The following DMXL1 variants were observed in gnomAD, a reference collection of about 807,000 sequenced individuals.
DMXL1 encodes dmX-like protein 1.
A neutral mutation model predicts 319.2 loss-of-function variants in DMXL1; 99 were observed. That is an observed-to-expected ratio of 0.31 (90% CI 0.26 to 0.37). The LOEUF (loss-of-function observed/expected upper bound fraction) is 0.37. DMXL1 is among the 10% of genes least tolerant of loss of function. DMXL1 has a pLI of 1.00. For synonymous variants in DMXL1, 1,385 were observed against 1,235.2 expected, an observed-to-expected ratio of 1.12 and a Z score of -2.54; for missense variants, 3,745 against 3,595.6, an observed-to-expected ratio of 1.04 and a Z score of -1.06.
intron 9 of DMXL1, among the ~76,000 whole-genome samples, chr5:119,125,591 G>T: frequency 6.6e-6 from 1 of 152,028 alleles, no homozygotes; most frequent in East Asian, 1.9e-4. Flanking sequence ...TTGAGATGAA[G>T]TCTCACTCTG....
chr5:119,181,936 G>A (rs550708240), intron 28 of DMXL1, among the ~76,000 whole-genome samples: 1 of 152,324 alleles, frequency 6.6e-6, no homozygotes, highest in East Asian at 1.9e-4. Flanking sequence ...TCTCAGAACA[G>A]AAAATCAACC....
chr5:119,094,967 C>T (rs1755601725), intron 1 of DMXL1, among the ~76,000 whole-genome samples: 4 of 151,914 alleles, frequency 2.6e-5, no homozygotes, highest in Admixed American at 2.6e-4. Flanking sequence ...GTTATCCTCC[C>T]ACCTCAGCCT....
chr5:119,238,917 C>T (rs998359275), intron 40 of DMXL1, 72 bp from the exon 41 acceptor site: 8 of 1,572,092 alleles, frequency 5.1e-6, no homozygotes, highest in South Asian at 1.2e-5. Context: ...GATCACTTTT[C>T]GAAGAATACA....
intron 15 of DMXL1, among the ~76,000 whole-genome samples, chr5:119,145,593 A>G (rs1203528068): frequency 6.6e-6 from 1 of 151,792 alleles, no homozygotes. Flanking sequence ...ATTGTTAACA[A>G]TTTAAGTCTC....
intron 29 of DMXL1, among the ~76,000 whole-genome samples, 173 bp downstream of exon 29, chr5:119,190,059 T>A (rs1327942507): frequency 6.6e-6 from 1 of 152,218 alleles, no homozygotes; most frequent in Non-Finnish European, 1.5e-5. Flanking sequence ...TTGACCATAT[T>A]TCATATAGTT....
chr5:119,142,517 TAAAAA>T (rs148846123), intron 13 of DMXL1, among the ~76,000 whole-genome samples: 3 of 62,284 alleles, frequency 4.8e-5, no homozygotes, highest in South Asian at 4.4e-4. Context: ...TATTAAAAAG[TAAAAA>T]AAAAAAAAAA....
In DMXL1 at chr5:119,244,072, G is replaced by A. The variant is rs191177843; in HGVS notation, c.8705-287G>A. Among the ~76,000 whole-genome samples the A allele has an allele frequency of 1.8e-4, 27 of 152,234 alleles. 1 individual carries two copies. The East Asian group carries it at 4.8e-3, about 27-fold the overall frequency. On this transcript the variant is annotated intron_variant, in intron 42 of 43. Coordinates refer to ENST00000539542, the MANE Select transcript of DMXL1 (RefSeq NM_001290321.3). ...CTGAGTACTCCACCGAGGCTGGTAC[G>A]GAACCAGTTCAACCAGGGTTCCTCT...
chr5:119,170,428 A>C lies in DMXL1; in HGVS notation c.5637A>C (p.Ser1879=). The C allele has an allele frequency of 6.2e-7, 1 of 1,614,006 alleles. No homozygotes were observed. Among genetic ancestry groups the C allele is most frequent in the Admixed American group, 1.7e-5 (1 of 60,000 alleles). The change falls in exon 24 of 44, where the codon TCA becomes TCC. Residue 1879 remains serine, a synonymous_variant. Coordinates refer to ENST00000539542, the MANE Select transcript of DMXL1 (RefSeq NM_001290321.3). ...CAATGTTGGCTTTGGAAGTATTATC[A>C]AAGATGCCTAAAGTCATCAAGAAAA... The part of the protein sequence containing the change: ...GCPMLALEVL[S]KMPKVIKKTR...
At chr5:119,131,945 A>G (rs1764990867) in intron 10 of DMXL1, among the ~76,000 whole-genome samples, 1 of 152,328 alleles carries the variant, frequency 6.6e-6, no homozygotes, top group Admixed American at 6.5e-5. Flanking sequence ...CCTCACACTC[A>G]AGGCAAAGAG....
At chr5:119,219,557 A>AT (rs200663050) in intron 35 of DMXL1, among the ~76,000 whole-genome samples, 7,299 of 151,342 alleles carry the variant, frequency 0.048, 485 homozygotes, top group African/African-American at 0.14. Context: ...TACACATTTA[A>AT]TTAATTAATT....
chr5:119,075,110 G>A (rs1189462386), intron 1 of DMXL1, among the ~76,000 whole-genome samples: 3 of 151,996 alleles, frequency 2.0e-5, no homozygotes, highest in African/African-American at 7.3e-5. Context: ...TTCATAAATC[G>A]TGGTTGAATT....
intron 3 of DMXL1, among the ~76,000 whole-genome samples, chr5:119,104,766 A>G (rs964183213): frequency 2.0e-5 from 3 of 152,224 alleles, no homozygotes; most frequent in African/African-American, 4.8e-5. Context: ...TAGTATCAAA[A>G]TGTTACATCT....
chr5:119,120,999 G>A lies in DMXL1; in HGVS notation c.962G>A (p.Arg321Gln), dbSNP rs752483687. 5.6e-6 allele frequency: 9 copies of A among 1,611,794 alleles called. No homozygotes were observed. The highest frequency in any genetic ancestry group is 1.7e-4 in the Middle Eastern group (1 of 6,058). The change falls in exon 9 of 44, where the codon CGG becomes CAG. Residue 321 changes from arginine to glutamine, a missense_variant. Coordinates refer to ENST00000539542, the MANE Select transcript of DMXL1 (RefSeq NM_001290321.3). Reference protein sequence around the residue: ...EVNLRHFRRGRRRSLALVAHT... With the variant: ...EVNLRHFRRGQRRSLALVAHT... Reference sequence around the variant, plus strand: ...AATCTGAGACATTTTCGTAGAGGTCGGAGGAGATCACTTGCTCTTGTAGCA... The same window carrying A: ...AATCTGAGACATTTTCGTAGAGGTCAGAGGAGATCACTTGCTCTTGTAGCA...
At chr5:119,151,526 C>A (rs986304456) in intron 18 of DMXL1, among the ~76,000 whole-genome samples, 2 of 151,638 alleles carry the variant, frequency 1.3e-5, no homozygotes, top group African/African-American at 4.8e-5. Flanking sequence ...AATATCAGGC[C>A]CTCCCACCAT....
At chr5:119,242,032 G>A (rs1185903493) in intron 42 of DMXL1, among the ~76,000 whole-genome samples, 7 of 152,072 alleles carry the variant, frequency 4.6e-5, no homozygotes, top group Admixed American at 1.3e-4. Context: ...ATTTGTGTGC[G>A]TATGTTTCAA....
chr5:119,238,647 T>C (rs1004907443), intron 40 of DMXL1, among the ~76,000 whole-genome samples: 2 of 152,182 alleles, frequency 1.3e-5, no homozygotes, highest in African/African-American at 2.4e-5. Flanking sequence ...CTTTGAACTT[T>C]TGGTTGAACA....
intron 7 of DMXL1, among the ~76,000 whole-genome samples, chr5:119,116,801 G>A (rs1038797726): frequency 2.6e-5 from 4 of 152,116 alleles, no homozygotes; most frequent in African/African-American, 9.7e-5. Context: ...CAGCATATGT[G>A]AGGAAAAGAG....
chr5:119,113,541 C>G (rs1760147590), intron 5 of DMXL1, among the ~76,000 whole-genome samples: 1 of 152,090 alleles, frequency 6.6e-6, no homozygotes, highest in Non-Finnish European at 1.5e-5. Flanking sequence ...GTGCCCAGCC[C>G]ATGACATATT....
intron 1 of DMXL1, among the ~76,000 whole-genome samples, chr5:119,080,356 A>T (rs1471011161): frequency 6.6e-6 from 1 of 152,116 alleles, no homozygotes; most frequent in Admixed American, 6.5e-5. Context: ...CAAAAATAAT[A>T]TAAGTAAAAT....
Sources: allele counts gnomAD v4.1 joint callset (sites outside exome capture counted in the v4.1 genomes callset), GRCh38; gene constraint gnomAD v4.1.1; transcripts MANE v1.5; gene names NCBI Gene and HGNC (gene_info 2026-07-23, HGNC 2026-07-21).